Variants in BMERB1 observed in about 807,000 individuals in gnomAD.
BMERB1 encodes bMERB domain-containing protein 1.
A neutral mutation model predicts 23.6 loss-of-function variants in BMERB1; 12 were observed. That is an observed-to-expected ratio of 0.51 (90% CI 0.33 to 0.82). The LOEUF is 0.82. Among genes scored for constraint, BMERB1 ranks in the 40% least tolerant of loss-of-function variants. The pLI is 0.03. For synonymous variants in BMERB1, 122 were observed against 96.6 expected, an observed-to-expected ratio of 1.26 and a Z score of -1.54; for missense variants, 247 against 255.4, an observed-to-expected ratio of 0.97 and a Z score of 0.22.
At chr16:15,473,160 A>G (rs1320226642) in intron 1 of BMERB1, among the ~76,000 whole-genome samples, 2 of 151,434 alleles carry the variant, frequency 1.3e-5, no homozygotes, top group East Asian at 2.0e-4. Flanking sequence ...GAGGCCAGCC[A>G]GATTCCATCT....
At chr16:15,517,851 A>ATG (rs373868958) in intron 2 of BMERB1, among the ~76,000 whole-genome samples, 2 of 78,284 alleles carry the variant, frequency 2.6e-5, no homozygotes, top group African/African-American at 6.9e-5. Context: ...TGTATTGTGG[A>ATG]TGTGTGTGTG....
chr16:15,533,302 T>C (rs924705045), intron 2 of BMERB1, among the ~76,000 whole-genome samples: 1 of 152,086 alleles, frequency 6.6e-6, no homozygotes, highest in African/African-American at 2.4e-5. Context: ...CATGTCAAGG[T>C]TGTTGAAACG....
intron 2 of BMERB1, among the ~76,000 whole-genome samples, chr16:15,566,635 C>T (rs934676210): frequency 5.3e-5 from 8 of 151,706 alleles, no homozygotes; most frequent in Non-Finnish European, 1.2e-4. Context: ...CACTGCACTC[C>T]AGCCTGGGTG....
intron 2 of BMERB1, among the ~76,000 whole-genome samples, chr16:15,518,877 G>A (rs1321342101): frequency 2.6e-5 from 4 of 151,634 alleles, no homozygotes; most frequent in South Asian, 4.2e-4. Flanking sequence ...AAAGGAGGAA[G>A]GAAGGAAGCT....
At chr16:15,554,739 G>A (rs952989131) in intron 2 of BMERB1, among the ~76,000 whole-genome samples, 2 of 150,208 alleles carry the variant, frequency 1.3e-5, no homozygotes, top group Non-Finnish European at 3.0e-5. Context: ...TGATCTCAGC[G>A]CACTGCAAGC....
rs2050971165 is a variant in BMERB1, at chr16:15,444,242, G to A, written c.106+9483G>A. On this transcript the variant is annotated intron_variant, in intron 1 of 5. Coordinates refer to ENST00000300006, the MANE Select transcript of BMERB1 (RefSeq NM_033201.3). ...GGGGGTTGGTTGGAAGCCAGCACAG[G>A]TAAAGGCCCTCTTTTAGTACTTCAC... is the stretch of plus-strand genomic sequence containing the variant. Among the ~76,000 whole-genome samples, 9 of 148,600 alleles carry A rather than the reference G, an allele frequency of 6.1e-5. No homozygotes were observed. The South Asian group carries it at 2.0e-3, about 32-fold the overall frequency.
chr16:15,474,581 A>G (rs1476772403), intron 1 of BMERB1, among the ~76,000 whole-genome samples: 2 of 151,974 alleles, frequency 1.3e-5, no homozygotes, highest in Non-Finnish European at 2.9e-5. Flanking sequence ...GGGTCTCACT[A>G]TGTTGCTCTG....
chr16:15,452,007 A>G (rs535322142), intron 1 of BMERB1, among the ~76,000 whole-genome samples: 6 of 152,172 alleles, frequency 3.9e-5, no homozygotes, highest in African/African-American at 1.2e-4. Context: ...AGCTCTAGGC[A>G]CAGTGGCTTA....
chr16:15,441,586 C>T (rs1423992738), intron 1 of BMERB1, among the ~76,000 whole-genome samples: 1 of 152,080 alleles, frequency 6.6e-6, no homozygotes, highest in Non-Finnish European at 1.5e-5. Flanking sequence ...CCATGTTGGT[C>T]AGGCTGGTCT....
intron 1 of BMERB1, among the ~76,000 whole-genome samples, chr16:15,438,869 C>T (rs2050912038): frequency 6.6e-6 from 1 of 152,198 alleles, no homozygotes; most frequent in Admixed American, 6.5e-5. Context: ...AGCCTGGGCC[C>T]TCCATTTATT....
At chr16:15,541,896 C>A (rs1028528930) in intron 2 of BMERB1, among the ~76,000 whole-genome samples, 1 of 144,360 alleles carries the variant, frequency 6.9e-6, no homozygotes, top group Non-Finnish European at 1.5e-5. Flanking sequence ...GCCACCATAC[C>A]CGGCCTAAAT....
intron 1 of BMERB1, among the ~76,000 whole-genome samples, chr16:15,461,591 T>C (rs1011472019): frequency 1.3e-5 from 2 of 151,982 alleles, no homozygotes; most frequent in Non-Finnish European, 1.5e-5. Context: ...CTGTGGCAAG[T>C]GCTCAGACAG....
intron 1 of BMERB1, among the ~76,000 whole-genome samples, chr16:15,447,460 G>A (rs1363229569): frequency 1.3e-5 from 2 of 152,046 alleles, no homozygotes; most frequent in Non-Finnish European, 2.9e-5. Flanking sequence ...CCACACATGG[G>A]GATTACAATT....
chr16:15,515,405 C>T lies in BMERB1; in HGVS notation c.207C>T (p.Arg69=), dbSNP rs114099173. The stretch of plus-strand genomic sequence containing the variant: ...AGCGTCTCCGGGAAGTCTTGGTCCG[C>T]CGGGAGTCTGAGCTCAGGTTCATGT... ...KIQRLREVLV[R]RESELRFMMD... The change falls in exon 2 of 6, where the codon CGC becomes CGT. Residue 69 remains arginine, a synonymous_variant. Coordinates refer to ENST00000300006, the MANE Select transcript of BMERB1 (RefSeq NM_033201.3). 1.4e-3 allele frequency: 2,182 copies of T among 1,613,836 alleles called. 25 individuals carry two copies. In the African/African-American group the frequency reaches 0.023, roughly 17 times the overall value.
At chr16:15,468,665 T>C (rs1291298330) in intron 1 of BMERB1, among the ~76,000 whole-genome samples, 2 of 152,162 alleles carry the variant, frequency 1.3e-5, no homozygotes. Context: ...ACAGACTCTT[T>C]TGCAGAGCAA....
At chr16:15,480,136 G>A (rs2051307351) in intron 1 of BMERB1, among the ~76,000 whole-genome samples, 4 of 150,022 alleles carry the variant, frequency 2.7e-5, no homozygotes, top group South Asian at 4.2e-4. Flanking sequence ...TTTTGGAGAT[G>A]GAGTCTCACT....
chr16:15,583,264 C>T, intron 5 of BMERB1, 26 bp downstream of exon 5: 1 of 1,522,556 alleles, frequency 6.6e-7, no homozygotes. Flanking sequence ...ATTCATTCCC[C>T]TCCCCCACAA....
At chr16:15,489,508 G>C (rs1270488920) in intron 1 of BMERB1, among the ~76,000 whole-genome samples, 1 of 152,080 alleles carries the variant, frequency 6.6e-6, no homozygotes, top group African/African-American at 2.4e-5. Context: ...CCACATCGAG[G>C]TTTAGTTCTG....
At chr16:15,566,607 G>A (rs981751764) in intron 2 of BMERB1, among the ~76,000 whole-genome samples, 4 of 151,912 alleles carry the variant, frequency 2.6e-5, no homozygotes, top group Non-Finnish European at 5.9e-5. Flanking sequence ...CAGAGGTTGC[G>A]GTGAGCCAAG....
Sources: allele counts gnomAD v4.1 joint callset (sites outside exome capture counted in the v4.1 genomes callset), GRCh38; gene constraint gnomAD v4.1.1; transcripts MANE v1.5; gene names NCBI Gene and HGNC (gene_info 2026-07-23, HGNC 2026-07-21).